The following PHF20 variants were observed in gnomAD, a reference collection of about 807,000 sequenced individuals.
PHF20 encodes the protein PHD finger protein 20, also known as glioma-expressed antigen 2.
PHF20 carries 23 observed loss-of-function variants against 113.5 expected under a neutral mutation model. The ratio of observed to expected loss-of-function variants is 0.20; its 90% CI spans 0.15 to 0.29. PHF20 has a LOEUF of 0.29. Ranked by LOEUF, PHF20 falls within the 10% of genes least tolerant of loss-of-function variation. The pLI is 1.00. For synonymous variants in PHF20, 434 were observed against 457.3 expected (o/e 0.95, Z 0.65); for missense variants, 943 against 1,219.6 (o/e 0.77, Z 3.38).
intron 9 of PHF20, chr20:35,878,685 C>A: frequency 1.3e-6 from 1 of 783,454 alleles, no homozygotes; most frequent in Non-Finnish European, 2.3e-6. Context: ...GGAGCAATGA[C>A]TGTTGTTATA....
intron 15 of PHF20, among the ~76,000 whole-genome samples, chr20:35,932,499 C>T (rs1600958663): frequency 1.5e-5 from 2 of 136,248 alleles, no homozygotes; most frequent in Non-Finnish European, 3.1e-5. Flanking sequence ...GGTGTGATCT[C>T]GGCTCACTGC....
intron 8 of PHF20, 87 bp downstream of exon 8, chr20:35,871,221 A>T: frequency 9.3e-7 from 1 of 1,079,292 alleles, no homozygotes; most frequent in Non-Finnish European, 1.4e-6. Context: ...TGCCTTCCAC[A>T]AGTATTAAAT....
intron 1 of PHF20, among the ~76,000 whole-genome samples, chr20:35,788,450 T>A (rs931955710): frequency 1.3e-5 from 2 of 152,084 alleles, no homozygotes; most frequent in Admixed American, 1.3e-4. Flanking sequence ...CAGGCTGGCT[T>A]CAAACTCCTG....
intron 3 of PHF20, among the ~76,000 whole-genome samples, chr20:35,846,074 T>C (rs2042618348): frequency 6.6e-6 from 1 of 152,126 alleles, no homozygotes; most frequent in Admixed American, 6.5e-5. Flanking sequence ...TTATTTTCTG[T>C]TTTAACCCTA....
intron 6 of PHF20, 134 bp downstream of exon 6, chr20:35,863,534 A>G: frequency 2.2e-6 from 2 of 927,526 alleles, no homozygotes; most frequent in East Asian, 2.5e-5. Flanking sequence ...TGATCTGGAA[A>G]CAAGTTGTGT....
chr20:35,945,091 G>C (rs77531363), intron 17 of PHF20, among the ~76,000 whole-genome samples: 1 of 152,188 alleles, frequency 6.6e-6, no homozygotes, highest in East Asian at 1.9e-4. Context: ...ATTAGGAAGA[G>C]AGAGGGTTCC....
rs777884475 is a variant in PHF20 at position 35,940,987 on chromosome 20, G to A, written c.2836G>A (p.Val946Met). The A allele has an allele frequency of 4.3e-6, 7 of 1,614,220 alleles. No homozygotes were observed. Among genetic ancestry groups the A allele is most frequent in the Non-Finnish European group, 5.1e-6 (6 of 1,180,034 alleles). The change falls in exon 17 of 18, where the codon GTG becomes ATG. Residue 946 changes from valine to methionine, a missense_variant. Transcript: ENST00000374012. The part of the protein sequence containing the change: ...HQWQFNLLTH[V>M]ESLQDEVTHR... ...GTGGCAGTTTAACCTGCTGACCCAT[G>A]TGGAATCTCTTCAGGATGAAGTTAC...
chr20:35,819,007 T>C (rs1005155141), intron 2 of PHF20, among the ~76,000 whole-genome samples: 1 of 152,054 alleles, frequency 6.6e-6, no homozygotes, highest in African/African-American at 2.4e-5. Flanking sequence ...CTCGGTTCAC[T>C]GCAGCCTCCA....
At chr20:35,792,462 T>G (rs1242961756) in intron 1 of PHF20, among the ~76,000 whole-genome samples, 1 of 152,148 alleles carries the variant, frequency 6.6e-6, no homozygotes, top group Non-Finnish European at 1.5e-5. Context: ...GTGTTGGGAT[T>G]ACAGGCGTGA....
chr20:35,897,117 T>G (rs1434875410), intron 9 of PHF20, among the ~76,000 whole-genome samples: 1 of 152,144 alleles, frequency 6.6e-6, no homozygotes, highest in Non-Finnish European at 1.5e-5. Context: ...CACTGCAGCC[T>G]CAACCTGCTG....
intron 1 of PHF20, among the ~76,000 whole-genome samples, chr20:35,786,908 A>G (rs1428658693): frequency 6.6e-6 from 1 of 152,000 alleles, no homozygotes; most frequent in African/African-American, 2.4e-5. Flanking sequence ...CCTGTGGATA[A>G]CACTCTTCAA....
Position 35,891,264 on chromosome 20 carries a change from C to T in PHF20, c.1283-8106C>T, listed in dbSNP as rs544905859. Among the ~76,000 whole-genome samples, 44 of 151,838 alleles carry T rather than the reference C, an allele frequency of 2.9e-4. 1 individual carries two copies. The highest frequency in any genetic ancestry group is 5.2e-4 in the Non-Finnish European group (35 of 67,954). ...TGATGGCAGGCGCCTGTAATCCCAG[C>T]TACTTGGGAGGCTGAGGCAGAAGAA... On this transcript the variant is annotated intron_variant, in intron 9 of 17. Transcript: ENST00000374012.
At chr20:35,827,977 GT>G (rs1207489166) in intron 2 of PHF20, among the ~76,000 whole-genome samples, 1 of 151,928 alleles carries the variant, frequency 6.6e-6, no homozygotes, top group Non-Finnish European at 1.5e-5. Flanking sequence ...GATAAAGATA[GT>G]TTACAAACCC....
chr20:35,922,862 T>C (rs995250327), intron 13 of PHF20, among the ~76,000 whole-genome samples: 4 of 152,228 alleles, frequency 2.6e-5, no homozygotes, highest in Admixed American at 1.3e-4. Context: ...ACATCTGTAA[T>C]ACTAGCACTT....
chr20:35,806,040 T>C (rs1357710233), intron 2 of PHF20, among the ~76,000 whole-genome samples: 1 of 151,936 alleles, frequency 6.6e-6, no homozygotes, highest in Non-Finnish European at 1.5e-5. Context: ...AATTTTTGTA[T>C]TTTTAGTAGA....
chr20:35,876,392 G>A (rs2054521714), intron 9 of PHF20, among the ~76,000 whole-genome samples: 3 of 151,918 alleles, frequency 2.0e-5, no homozygotes, highest in Admixed American at 2.0e-4. Flanking sequence ...CCAACATGGT[G>A]AAACCCCATC....
rs376477234 is a variant in PHF20 at position 35,864,407 on chromosome 20, AACACACAC to A, written c.808+1045_808+1052del. Among the ~76,000 whole-genome samples the A allele has an allele frequency of 2.1e-3, 284 of 132,526 alleles. 2 individuals are homozygous for A. The highest frequency in any genetic ancestry group is 7.3e-3 in the Middle Eastern group (2 of 274). The allele number at this position is 132,526 out of a possible 152,430, so 86.9% of individuals were successfully genotyped here. ...ACAATGTAGTGACACCCCATCTCAA[AACACACAC>A]ACACACACACACACACACACACACA... is the stretch of plus-strand genomic sequence containing the variant. On this transcript the variant is annotated intron_variant, in intron 6 of 17. Transcript: ENST00000374012.
chr20:35,906,360 T>C (rs2147070849), intron 10 of PHF20, among the ~76,000 whole-genome samples: 1 of 152,356 alleles, frequency 6.6e-6, no homozygotes, highest in African/African-American at 2.4e-5. Context: ...CAGAGAAGTT[T>C]ATTTCCCTCT....
intron 13 of PHF20, among the ~76,000 whole-genome samples, chr20:35,920,454 C>T (rs58558824): frequency 0.01 from 1,592 of 152,190 alleles, 18 homozygotes; most frequent in East Asian, 0.039. Context: ...TTCAGAAATA[C>T]CATCTCACCT....
Sources: gnomAD v4.1 joint callset for allele counts (sites outside exome capture counted in the v4.1 genomes callset) on GRCh38, gnomAD v4.1.1 for gene constraint, MANE v1.5 for transcripts, NCBI Gene and HGNC (gene_info 2026-07-23, HGNC 2026-07-21) for gene names.